PHEX: variants seen among roughly 807,000 people sequenced by gnomAD.
PHEX encodes phosphate-regulating neutral endopeptidase PHEX.
A neutral mutation model predicts 68.0 loss-of-function variants in PHEX; 16 were observed. The observed-to-expected ratio is 0.24, with a 90% CI of 0.16 to 0.36. PHEX has a LOEUF of 0.36. PHEX is among the 10% of genes least tolerant of loss of function. PHEX has a pLI of 1.00. For synonymous variants in PHEX, 208 were observed against 205.1 expected (o/e 1.01, Z -0.12); for missense variants, 480 against 575.5 (o/e 0.83, Z 1.70).
intron 14 of PHEX, among the ~76,000 whole-genome samples, chrX:22,182,592 T>TTGTG (rs9331474): frequency 0.024 from 2,465 of 102,975 alleles, 81 homozygotes; most frequent in African/African-American, 0.078. Flanking sequence ...TGAAGATGCT[T>TTGTG]TGTGTGTGTG....
At chrX:22,079,739 G>A (rs1363381262) in intron 5 of PHEX, among the ~76,000 whole-genome samples, 1 of 111,672 alleles carries the variant, frequency 9.0e-6, no homozygotes, top group East Asian at 2.8e-4. Context: ...AGAAACTGGA[G>A]TATTTGTCCT....
chrX:22,176,402 A>AT (rs1447357780), intron 13 of PHEX, among the ~76,000 whole-genome samples: 2,133 of 57,017 alleles, frequency 0.037, 35 homozygotes, highest in Non-Finnish European at 0.051. Context: ...AAAAAAAAAA[A>AT]ATATATATAT....
intron 12 of PHEX, among the ~76,000 whole-genome samples, chrX:22,144,733 T>C (rs1387008657): frequency 1.1e-5 from 1 of 89,599 alleles, no homozygotes; most frequent in East Asian, 3.8e-4. Flanking sequence ...TCAAAATTGT[T>C]TGCTTTCTTT....
In PHEX at chrX:22,062,652, G is replaced by A. The variant is rs1569375348; in HGVS notation, c.350-13736G>A. On this transcript the variant is annotated intron_variant, in intron 3 of 21. Coordinates refer to ENST00000379374, the MANE Select transcript of PHEX (RefSeq NM_000444.6). ...AGTGGTGGTTCTCAACCCTTGCTGT[G>A]CAGTGGAATTACTAGGGAGCTTATA... Among the ~76,000 whole-genome samples, 3 of 111,600 alleles carry A rather than the reference G, an allele frequency of 2.7e-5. No homozygotes were observed. The Admixed American group carries it at 2.9e-4, about 11-fold the overall frequency.
chrX:22,185,730 G>A (rs1569421817), intron 14 of PHEX, among the ~76,000 whole-genome samples: 2 of 103,132 alleles, frequency 1.9e-5, no homozygotes, highest in African/African-American at 7.4e-5. Context: ...GGGTCACTAG[G>A]CTCAGCTGCA....
chrX:22,043,031 C>T (rs1410378253), intron 2 of PHEX, among the ~76,000 whole-genome samples: 3 of 112,125 alleles, frequency 2.7e-5, no homozygotes, highest in Non-Finnish European at 3.8e-5. Context: ...GCATATGTTT[C>T]CCTATAGAAA....
intron 14 of PHEX, among the ~76,000 whole-genome samples, chrX:22,187,140 A>T (rs923549081): frequency 4.5e-5 from 5 of 111,815 alleles, no homozygotes; most frequent in African/African-American, 1.6e-4. Flanking sequence ...TCTAGCTCAG[A>T]AGTCTAGGGT....
chrX:22,146,517 G>T (rs1247344643), intron 12 of PHEX, among the ~76,000 whole-genome samples: 1 of 111,975 alleles, frequency 8.9e-6, no homozygotes, highest in African/African-American at 3.3e-5. Flanking sequence ...GGAACAGTGG[G>T]ACTATATTAA....
At chrX:22,156,171 T>TA (rs761529788) in intron 12 of PHEX, among the ~76,000 whole-genome samples, 155 of 111,377 alleles carry the variant, frequency 1.4e-3, no homozygotes, top group Middle Eastern at 0.014. Context: ...GGGGGTTACA[T>TA]ATTGTCTTAA....
At position 22,249,562 on chromosome X, in the gene PHEX, C is replaced by T. The variant is rs1428922075; in HGVS notation, c.*1609C>T. On this transcript the variant is annotated 3_prime_UTR_variant, in exon 22 of 22. Coordinates refer to ENST00000379374, the MANE Select transcript of PHEX (RefSeq NM_000444.6). ...TTGAATGGAGAAAAATGGAGGGGCA[C>T]CATCATGAGGAAACAATTATACTGC... 1.0e-5 allele frequency: 1 copy of T among 98,770 alleles called. No homozygotes were observed. The highest frequency in any genetic ancestry group is 2.0e-5 in the Non-Finnish European group (1 of 50,029). The allele number at this position is 98,770 out of a possible 1,213,427, so 8.1% of individuals were successfully genotyped here.
intron 7 of PHEX, among the ~76,000 whole-genome samples, chrX:22,096,513 T>C (rs1399140598): frequency 8.9e-6 from 1 of 112,034 alleles, no homozygotes; most frequent in African/African-American, 3.2e-5. Flanking sequence ...CGGGGAACAG[T>C]GGCATCCAGA....
At chrX:22,208,491 AT>A (rs1287593585) in intron 15 of PHEX, among the ~76,000 whole-genome samples, 1 of 112,343 alleles carries the variant, frequency 8.9e-6, no homozygotes, top group Non-Finnish European at 1.9e-5. Flanking sequence ...TTATTTGGAC[AT>A]TTAGCTTGTT....
chrX:22,212,420 A>G lies in PHEX; in HGVS notation c.1646-484A>G, dbSNP rs140885040. On this transcript the variant is annotated intron_variant, in intron 15 of 21. Coordinates refer to ENST00000379374, the MANE Select transcript of PHEX (RefSeq NM_000444.6). ...GCACATTTTCTCTGCTCACACACAC[A>G]TGTTCCATTGTCCCCTCATGCTCCA... Among the ~76,000 whole-genome samples the G allele has an allele frequency of 9.5e-3, 1,066 of 111,771 alleles. 9 individuals carry two copies. The highest frequency in any genetic ancestry group is 0.033 in the African/African-American group (1,007 of 30,745).
At chrX:22,220,165 CCA>C (rs1398393931) in intron 17 of PHEX, among the ~76,000 whole-genome samples, 1 of 111,183 alleles carries the variant, frequency 9.0e-6, no homozygotes, top group African/African-American at 3.3e-5. Flanking sequence ...ACATCCATAC[CCA>C]CACAGTGATT....
chrX:22,164,248 T>C (rs1445067319), intron 12 of PHEX, among the ~76,000 whole-genome samples: 1 of 111,684 alleles, frequency 9.0e-6, no homozygotes, highest in East Asian at 2.8e-4. Context: ...TGAGGAGGAA[T>C]TGACAACGAA....
chrX:22,139,432 A>T (rs747035820), intron 12 of PHEX, among the ~76,000 whole-genome samples: 1 of 112,193 alleles, frequency 8.9e-6, no homozygotes, highest in Non-Finnish European at 1.9e-5. Context: ...TATATATTTT[A>T]AACACAAAAG....
At chrX:22,108,878 G>A (rs1243106320) in intron 9 of PHEX, among the ~76,000 whole-genome samples, 3 of 106,815 alleles carry the variant, frequency 2.8e-5, no homozygotes, top group African/African-American at 1.0e-4. Context: ...GGAGGCAGAG[G>A]TTGCAGTGAG....
chrX:22,177,515 C>T (rs1384574620), intron 13 of PHEX, among the ~76,000 whole-genome samples: 1 of 111,255 alleles, frequency 9.0e-6, no homozygotes, highest in Non-Finnish European at 1.9e-5. Context: ...GAATGGAAAC[C>T]GTCTGCCATT....
At chrX:22,216,812 G>A (rs748792805) in intron 16 of PHEX, among the ~76,000 whole-genome samples, 9 of 111,404 alleles carry the variant, frequency 8.1e-5, no homozygotes, top group Non-Finnish European at 1.3e-4. Context: ...GAGCCACCAC[G>A]CCTGGCCAAT....
Sources: gnomAD v4.1 joint callset for allele counts (sites outside exome capture counted in the v4.1 genomes callset) on GRCh38, gnomAD v4.1.1 for gene constraint, MANE v1.5 for transcripts, NCBI Gene and HGNC (gene_info 2026-07-23, HGNC 2026-07-21) for gene names.